The following NTAN1 variants were observed in gnomAD, a reference collection of about 807,000 sequenced individuals.
NTAN1 encodes N-terminal asparagine amidase, also known as protein N-terminal asparagine amidohydrolase.
A neutral mutation model predicts 41.9 loss-of-function variants in NTAN1; 32 were observed. The observed-to-expected ratio is 0.76, with a 90% CI of 0.58 to 1.03. NTAN1 has a LOEUF of 1.03. NTAN1 is among the 50% of genes least tolerant of loss of function. The pLI is 0.00. For synonymous variants in NTAN1, 140 were observed against 139.5 expected (o/e 1.00, Z -0.03); for missense variants, 377 against 377.5 (o/e 1.00, Z 0.01).
In NTAN1 at chr16:15,055,827, C is replaced by T. The variant is rs566737619; in HGVS notation, c.81+64G>A. On this transcript the variant is annotated intron_variant, in intron 1 of 9. Transcript: ENST00000287706. ...TCAAGTCTGTGTCGCGTGAGGGGGG[C>T]GCTAGCCCGCCCTGCAGCTTCCCCT... 2.9e-3 allele frequency: 2,600 copies of T among 888,810 alleles called. 10 individuals are homozygous for T. Among genetic ancestry groups the T allele is most frequent in the Non-Finnish European group, 3.5e-3 (2,371 of 674,668 alleles). The allele number at this position is 888,810 out of a possible 1,614,324, so 55.1% of individuals were successfully genotyped here.
intron 4 of NTAN1, among the ~76,000 whole-genome samples, chr16:15,046,963 C>A (rs1337143846): frequency 5.3e-5 from 8 of 152,130 alleles, no homozygotes; most frequent in Non-Finnish European, 1.2e-4. Context: ...TCCACAGCCC[C>A]GCCTCACCAC....
At chr16:15,046,511 T>C (rs2044070061) in intron 4 of NTAN1, among the ~76,000 whole-genome samples, 1 of 152,056 alleles carries the variant, frequency 6.6e-6, no homozygotes, top group Admixed American at 6.5e-5. Context: ...CAGCGGCTAC[T>C]TTACTGCAGT....
At chr16:15,041,542 G>T in intron 6 of NTAN1, 81 bp downstream of exon 6, 1 of 922,826 alleles carries the variant, frequency 1.1e-6, no homozygotes, top group Non-Finnish European at 1.8e-6. Flanking sequence ...GTGTGTGCCG[G>T]TGCTTGGGCC....
At chr16:15,044,252 A>G (rs1023920885) in intron 5 of NTAN1, 82 bp downstream of exon 5, 5 of 908,350 alleles carry the variant, frequency 5.5e-6, no homozygotes, top group African/African-American at 3.3e-5. Context: ...TGGGTTTTGT[A>G]CCAATTGGGA....
intron 8 of NTAN1, 147 bp downstream of exon 8, chr16:15,039,822 G>T: frequency 1.7e-6 from 1 of 602,158 alleles, no homozygotes; most frequent in South Asian, 2.2e-5. Flanking sequence ...AGTGTGGGGA[G>T]GGGTATATGT....
intron 8 of NTAN1, among the ~76,000 whole-genome samples, chr16:15,039,177 CAATG>C (rs1312132334): frequency 2.0e-5 from 3 of 152,192 alleles, no homozygotes; most frequent in Non-Finnish European, 4.4e-5. Flanking sequence ...CCAAATTTGC[CAATG>C]GCAGCCTCAG....
chr16:15,038,455 A>AC (rs1466980599), intron 9 of NTAN1, 119 bp downstream of exon 9: 1 of 661,392 alleles, frequency 1.5e-6, no homozygotes, highest in African/African-American at 1.8e-5. Flanking sequence ...AATGGCATCC[A>AC]AAAAGTTACT....
Position 15,038,504 on chromosome 16 carries a change from C to T in NTAN1, c.753+70G>A, listed in dbSNP as rs529965268. 5.4e-5 allele frequency: 49 copies of T among 907,930 alleles called. No homozygotes were observed. In the African/African-American group the frequency reaches 7.2e-4, roughly 13 times the overall value. The allele number at this position is 907,930 out of a possible 1,614,324, so 56.2% of individuals were successfully genotyped here. A position where few individuals can be genotyped will look rare whatever the true frequency, so the allele number is the denominator to read the frequency against. On this transcript the variant is annotated intron_variant, in intron 9 of 9. Coordinates refer to ENST00000287706, the MANE Select transcript of NTAN1 (RefSeq NM_173474.4). ...AAAGCAGCTATGACCTGGTCTAAAC[C>T]CTTTTTTTCTTACAGATGGGGAAAC...
intron 9 of NTAN1, 170 bp from the exon 10 acceptor site, chr16:15,038,380 C>T (rs2043640952): frequency 3.2e-6 from 2 of 620,602 alleles, no homozygotes; most frequent in East Asian, 5.5e-5. Flanking sequence ...CTGCTTTACC[C>T]ACACACATTT....
At chr16:15,039,313 A>C (rs2043700655) in intron 8 of NTAN1, among the ~76,000 whole-genome samples, 1 of 152,228 alleles carries the variant, frequency 6.6e-6, no homozygotes, top group Non-Finnish European at 1.5e-5. Flanking sequence ...CTCCGAATCC[A>C]AACACATTTC....
chr16:15,051,844 C>T (rs1477371203), intron 1 of NTAN1, among the ~76,000 whole-genome samples: 1 of 152,042 alleles, frequency 6.6e-6, no homozygotes, highest in Admixed American at 6.6e-5. Context: ...GCTGGAACCA[C>T]AGGCGCACGC....
chr16:15,041,159 A>G (rs1208154534), intron 6 of NTAN1, 38 bp from the exon 7 acceptor site: 2 of 1,226,120 alleles, frequency 1.6e-6, no homozygotes, highest in African/African-American at 3.0e-5. Context: ...CTTTTTAAAG[A>G]AATACCAAAT....
At chr16:15,045,540 G>C (rs2044024309) in intron 4 of NTAN1, 1 of 152,136 alleles carries the variant, frequency 6.6e-6, no homozygotes, top group Non-Finnish European at 1.5e-5. Flanking sequence ...GGGAGGCAGA[G>C]GTGGAAGGAA....
intron 5 of NTAN1, among the ~76,000 whole-genome samples, chr16:15,042,185 CTTTTT>C (rs34790085): frequency 1.5e-5 from 2 of 135,568 alleles, no homozygotes; most frequent in Admixed American, 7.7e-5. Context: ...AATTTTATAT[CTTTTT>C]TTTTTTTTTT....
intron 8 of NTAN1, 130 bp from the exon 9 acceptor site, chr16:15,038,817 A>G (rs2043671292): frequency 1.7e-6 from 1 of 588,874 alleles, no homozygotes; most frequent in East Asian, 2.9e-5. Context: ...CCTGTCTCAA[A>G]TAACAAAAGC....
chr16:15,054,713 G>A (rs1195015925), intron 1 of NTAN1, among the ~76,000 whole-genome samples: 1 of 152,138 alleles, frequency 6.6e-6, no homozygotes, highest in East Asian at 1.9e-4. Context: ...CATTTATGCA[G>A]CAAATCTTTA....
intron 1 of NTAN1, 92 bp from the exon 2 acceptor site, chr16:15,048,191 G>GCTGCCCACGCAGA: frequency 1.2e-6 from 1 of 814,184 alleles, no homozygotes; most frequent in Non-Finnish European, 2.0e-6. Flanking sequence ...GGCTCTGCGT[G>GCTGCCCACGCAGA]GGCAGCACGC....
At chr16:15,040,888 G>A (rs1165308877) in intron 7 of NTAN1, among the ~76,000 whole-genome samples, 180 bp downstream of exon 7, 1 of 152,134 alleles carries the variant, frequency 6.6e-6, no homozygotes, top group Non-Finnish European at 1.5e-5. Flanking sequence ...CAGTTTTATA[G>A]GTAAAGCTTA....
intron 1 of NTAN1, among the ~76,000 whole-genome samples, chr16:15,055,003 T>G (rs1412858136): frequency 6.6e-6 from 1 of 152,160 alleles, no homozygotes; most frequent in Non-Finnish European, 1.5e-5. Flanking sequence ...TATCTGAGCC[T>G]TCTTCATCAG....
Sources: gnomAD v4.1 joint callset for allele counts (sites outside exome capture counted in the v4.1 genomes callset) on GRCh38, gnomAD v4.1.1 for gene constraint, MANE v1.5 for transcripts, NCBI Gene and HGNC (gene_info 2026-07-23, HGNC 2026-07-21) for gene names.